ABTB3: variants seen among roughly 807,000 people sequenced by gnomAD.
ABTB3 encodes ankyrin repeat and BTB domain containing 3.
At chr12:107,500,573 G>A in the ABTB3 span, among the ~76,000 whole-genome samples, 4 of 152,162 alleles carry the variant, frequency 2.6e-5, no homozygotes, top group African/African-American at 9.7e-5. Context: ...AAGGCTCTGA[G>A]CCGGTTACCC....
At chr12:107,360,673 G>A in the ABTB3 span, among the ~76,000 whole-genome samples, 3 of 152,160 alleles carry the variant, frequency 2.0e-5, no homozygotes, top group African/African-American at 7.2e-5. Flanking sequence ...TGTTTCCAAA[G>A]GGGAGCCAGG....
At chr12:107,378,219 G>A in the ABTB3 span, among the ~76,000 whole-genome samples, 1 of 152,286 alleles carries the variant, frequency 6.6e-6, no homozygotes, top group South Asian at 2.1e-4. Flanking sequence ...TTGGCTATAG[G>A]CAGACATGGT....
At chr12:107,618,210 C>G in the ABTB3 span, 1 of 1,614,026 alleles carries the variant, frequency 6.2e-7, no homozygotes, top group Non-Finnish European at 8.5e-7. Context: ...GAGTGATATC[C>G]TGTCCCTGGA....
chr12:107,370,575 C>A, the ABTB3 span, among the ~76,000 whole-genome samples: 1 of 152,044 alleles, frequency 6.6e-6, no homozygotes, highest in African/African-American at 2.4e-5. Flanking sequence ...AGATAAAAAT[C>A]AAGACAAAGC....
chr12:107,618,276 G>T, the ABTB3 span: 7 of 1,607,700 alleles, frequency 4.4e-6, no homozygotes, highest in Non-Finnish European at 4.2e-6. Flanking sequence ...CCCCTTGTGC[G>T]CCAGCCGCAA....
chr12:107,328,114 T>C, the ABTB3 span, among the ~76,000 whole-genome samples: 5 of 152,184 alleles, frequency 3.3e-5, no homozygotes, highest in East Asian at 9.7e-4. Flanking sequence ...CAGCCACAAG[T>C]CTACACTATC....
the ABTB3 span, among the ~76,000 whole-genome samples, chr12:107,648,604 C>A: frequency 5.3e-5 from 8 of 152,218 alleles, no homozygotes; most frequent in Admixed American, 5.2e-4. Context: ...AAAGAACATC[C>A]CGACTAGGGC....
chr12:107,455,246 A>C, the ABTB3 span, among the ~76,000 whole-genome samples: 2 of 152,194 alleles, frequency 1.3e-5, no homozygotes, highest in African/African-American at 4.8e-5. Context: ...AATCTGCACC[A>C]CTTAACTGTA....
the ABTB3 span, among the ~76,000 whole-genome samples, chr12:107,412,308 C>T: frequency 1.3e-5 from 2 of 152,232 alleles, no homozygotes; most frequent in African/African-American, 4.8e-5. Context: ...GTAGCTTGCC[C>T]AAGGCCCCAC....
the ABTB3 span, among the ~76,000 whole-genome samples, chr12:107,583,651 C>A: frequency 6.6e-6 from 1 of 152,192 alleles, no homozygotes; most frequent in Admixed American, 6.5e-5. Flanking sequence ...TCTGCGCCCC[C>A]CCTCCTCAGC....
At chr12:107,338,994 C>T in the ABTB3 span, among the ~76,000 whole-genome samples, 1 of 152,260 alleles carries the variant, frequency 6.6e-6, no homozygotes, top group South Asian at 2.1e-4. Flanking sequence ...CTCAGCTTAT[C>T]AGAGCATTTT....
the ABTB3 span, among the ~76,000 whole-genome samples, chr12:107,441,775 A>C: frequency 1.9e-5 from 2 of 102,744 alleles, no homozygotes; most frequent in East Asian, 2.6e-4. Context: ...TTGTCTCTAC[A>C]AAAAAAAAAA....
the ABTB3 span, among the ~76,000 whole-genome samples, chr12:107,488,909 T>C: frequency 1.3e-5 from 2 of 151,944 alleles, no homozygotes; most frequent in African/African-American, 4.8e-5. Flanking sequence ...TTACAGGAAT[T>C]GAAGAAACAT....
the ABTB3 span, among the ~76,000 whole-genome samples, chr12:107,381,990 G>C: frequency 1.3e-5 from 2 of 152,112 alleles, no homozygotes; most frequent in Non-Finnish European, 2.9e-5. Context: ...AGCCCCCTAT[G>C]GTCTCCAGGC....
chr12:107,386,152 T>A, the ABTB3 span, among the ~76,000 whole-genome samples: 28 of 152,192 alleles, frequency 1.8e-4, no homozygotes, highest in Non-Finnish European at 4.1e-4. Context: ...GGAATACTCT[T>A]CCTCACCTCT....
At chr12:107,519,030 A>G in the ABTB3 span, among the ~76,000 whole-genome samples, 1 of 152,206 alleles carries the variant, frequency 6.6e-6, no homozygotes, top group Non-Finnish European at 1.5e-5. Flanking sequence ...AACGCAGCAC[A>G]ATGTCTGCCT....
the ABTB3 span, among the ~76,000 whole-genome samples, chr12:107,335,111 C>G: frequency 6.6e-6 from 1 of 151,588 alleles, no homozygotes; most frequent in Non-Finnish European, 1.5e-5. Context: ...CATAGCAAGA[C>G]CCCATCTCTA....
chr12:107,580,764 CTGAT>C, the ABTB3 span: 1 of 1,436,546 alleles, frequency 7.0e-7, no homozygotes, highest in East Asian at 2.5e-5. Flanking sequence ...ACACGGGGCG[CTGAT>C]TGGTTTTCCG....
the ABTB3 span, among the ~76,000 whole-genome samples, chr12:107,493,389 C>G: frequency 6.6e-6 from 1 of 152,184 alleles, no homozygotes; most frequent in South Asian, 2.1e-4. Flanking sequence ...AAGACAGACC[C>G]TCTGACAGCA....
Sources: allele counts gnomAD v4.1 joint callset (sites outside exome capture counted in the v4.1 genomes callset), GRCh38; gene constraint gnomAD v4.1.1; transcripts MANE v1.5; gene names NCBI Gene and HGNC (gene_info 2026-07-23, HGNC 2026-07-21).